The following MED13L variants were observed in gnomAD, a reference collection of about 807,000 sequenced individuals.
MED13L encodes mediator complex subunit 13L, also known as mediator of RNA polymerase II transcription subunit 13-like.
In MED13L, 7 loss-of-function variants were observed where a neutral mutation model predicts 220.9. The ratio of observed to expected loss-of-function variants is 0.03; its 90% CI spans 0.02 to 0.06. MED13L has a LOEUF of 0.06. Among genes scored for constraint, MED13L ranks in the 10% least tolerant of loss-of-function variants. MED13L has a pLI of 1.00. For missense variants in MED13L, 1,965 were observed against 2,760.5 expected, an observed-to-expected ratio of 0.71 and a Z score of 6.46; for synonymous variants, 1,011 against 1,015.2, an observed-to-expected ratio of 1.00 and a Z score of 0.08.
At chr12:116,234,448 TC>T (rs1262250051) in intron 2 of MED13L, among the ~76,000 whole-genome samples, 1 of 152,070 alleles carries the variant, frequency 6.6e-6, no homozygotes, top group Non-Finnish European at 1.5e-5. Flanking sequence ...CAGGCTGGTC[TC>T]CAACTCCTGA....
chr12:116,104,722 G>A (rs1206708639), intron 3 of MED13L, among the ~76,000 whole-genome samples: 1 of 152,098 alleles, frequency 6.6e-6, no homozygotes, highest in Non-Finnish European at 1.5e-5. Flanking sequence ...TGTATGCAAA[G>A]CAATCATCTG....
rs142230139 is a variant in MED13L at position 115,986,460 on chromosome 12, T to C, written c.4144A>G (p.Ile1382Val). 7 of 1,614,052 alleles carry C rather than the reference T, an allele frequency of 4.3e-6. No individual in the cohort carries two copies. In the Admixed American group the frequency reaches 1.0e-4, roughly 23 times the overall value. Residue 1382 changes from isoleucine to valine, a missense_variant, in exon 19 of 31, where the codon ATC becomes GTC. By Grantham distance (29) the Ile-to-Val change is conservative (BLOSUM62 3). This residue lies in a region of MED13L where 21 missense variants were observed against 73.9 expected (regional missense o/e 0.28). Transcript: ENST00000281928. Reference protein sequence around the residue: ...GSEESPEPLPIPTLLVGYDKD... With the variant: ...GSEESPEPLPVPTLLVGYDKD... ...TCATAGCCTACCAGCAGAGTGGGGA[T>C]GGGCAACGGCTCAGGAGATTCTTCC...
At chr12:115,984,515 A>T in intron 19 of MED13L, 143 bp from the exon 20 acceptor site, 3 of 878,546 alleles carry the variant, frequency 3.4e-6, no homozygotes, top group Non-Finnish European at 5.3e-6. Context: ...TCAAACCAAC[A>T]TTACAAGTTG....
chr12:116,234,713 A>G (rs1273540862), intron 2 of MED13L, among the ~76,000 whole-genome samples: 2 of 152,140 alleles, frequency 1.3e-5, no homozygotes, highest in Non-Finnish European at 2.9e-5. Context: ...GATGGAGTGC[A>G]GTGGCATTAT....
At position 115,986,278 on chromosome 12, in the gene MED13L, A is replaced by G. The variant is rs1036890852; in HGVS notation, c.4326T>C (p.Ser1442=). 4 of 1,614,046 alleles carry G rather than the reference A, an allele frequency of 2.5e-6. No homozygotes were observed. Among genetic ancestry groups the G allele is most frequent in the Non-Finnish European group, 3.4e-6 (4 of 1,179,920 alleles). Residue 1442 remains serine, a synonymous_variant, in exon 19 of 31, where the codon AGT becomes AGC. Coordinates refer to ENST00000281928, the MANE Select transcript of MED13L (RefSeq NM_015335.5). ...GTAACTTCCTCACCTCGTATACAGCACTCAAGTCCCTGAAGAAAGTTTTGG... is the reference window on the plus strand; with the variant it reads ...GTAACTTCCTCACCTCGTATACAGCGCTCAAGTCCCTGAAGAAAGTTTTGG... ...EGAKTFFRDL[S]AVYEMCRLGQ...
chr12:116,092,340 A>G (rs1390640874), intron 4 of MED13L, among the ~76,000 whole-genome samples: 1 of 152,210 alleles, frequency 6.6e-6, no homozygotes. Context: ...GCTAAATAAC[A>G]CAGATGACTG....
At chr12:116,261,271 G>A (rs1399279428) in intron 1 of MED13L, among the ~76,000 whole-genome samples, 7 of 152,198 alleles carry the variant, frequency 4.6e-5, no homozygotes, top group South Asian at 4.2e-4. Context: ...CAAGGCAAGC[G>A]GATCACTTCA....
At chr12:116,173,409 C>G (rs757261536) in intron 2 of MED13L, among the ~76,000 whole-genome samples, 25 of 152,024 alleles carry the variant, frequency 1.6e-4, no homozygotes, top group Non-Finnish European at 2.1e-4. Flanking sequence ...GATCCAGAGA[C>G]AAAGGTAAGG....
chr12:116,157,451 T>C (rs1343951669), intron 2 of MED13L, among the ~76,000 whole-genome samples: 2 of 152,130 alleles, frequency 1.3e-5, no homozygotes, highest in African/African-American at 4.8e-5. Context: ...CTCCAGCCTT[T>C]GTTAATCTCC....
chr12:115,964,373 A>AAT (rs1875993154), intron 29 of MED13L, among the ~76,000 whole-genome samples: 1 of 152,198 alleles, frequency 6.6e-6, no homozygotes, highest in Non-Finnish European at 1.5e-5. Flanking sequence ...AAAGGCATGA[A>AAT]ATGTCTACTG....
intron 14 of MED13L, among the ~76,000 whole-genome samples, chr12:116,001,192 A>G (rs1469050740): frequency 1.3e-5 from 2 of 151,896 alleles, no homozygotes; most frequent in African/African-American, 2.4e-5. Context: ...TTAGACATTA[A>G]TTTTGTTTTG....
At chr12:116,035,218 C>A (rs1271233012) in intron 4 of MED13L, among the ~76,000 whole-genome samples, 1 of 152,130 alleles carries the variant, frequency 6.6e-6, no homozygotes, top group Non-Finnish European at 1.5e-5. Context: ...AACTATGGTA[C>A]TCACTGGCAT....
At position 115,970,265 on chromosome 12, in the gene MED13L, T is replaced by C. The variant is rs542116091; in HGVS notation, c.6067+329A>G. Among the ~76,000 whole-genome samples, 9 of 152,344 alleles carry C rather than the reference T, an allele frequency of 5.9e-5. No homozygotes were observed. The South Asian group carries it at 1.4e-3, about 25-fold the overall frequency. On this transcript the variant is annotated intron_variant, in intron 27 of 30. Transcript: ENST00000281928. ...TGCTCTCTTCATATTGCTTAGTACT[T>C]CACACATTTCAAATCACATCAGCAA...
chr12:116,274,232 A>T (rs1330943218), intron 1 of MED13L, among the ~76,000 whole-genome samples: 6 of 152,132 alleles, frequency 3.9e-5, no homozygotes, highest in African/African-American at 1.4e-4. Context: ...TAAGTAAAAG[A>T]CTAGCAGAAA....
intron 2 of MED13L, among the ~76,000 whole-genome samples, chr12:116,142,989 A>AGTTTCGTGGGCTCAGG (rs1188578186): frequency 6.6e-6 from 1 of 152,194 alleles, no homozygotes; most frequent in South Asian, 2.1e-4. Flanking sequence ...TCTACTGACA[A>AGTTTCGTGGGCTCAGG]GTTTCGTGGG....
At chr12:116,060,420 T>C (rs1869352914) in intron 4 of MED13L, among the ~76,000 whole-genome samples, 1 of 151,378 alleles carries the variant, frequency 6.6e-6, no homozygotes, top group African/African-American at 2.4e-5. Flanking sequence ...TCTATTAACA[T>C]ACAAAAAATT....
intron 1 of MED13L, 22 bp from the exon 2 acceptor site, chr12:116,237,727 T>A: frequency 6.2e-7 from 1 of 1,602,144 alleles, no homozygotes; most frequent in Non-Finnish European, 8.6e-7. Flanking sequence ...CAAAAAATTG[T>A]AATCGTTTTC....
chr12:116,103,896 A>T (rs982842348), intron 3 of MED13L, among the ~76,000 whole-genome samples: 3 of 151,736 alleles, frequency 2.0e-5, no homozygotes, highest in Non-Finnish European at 4.4e-5. Context: ...AACGACTGTC[A>T]ATGTTACATC....
intron 3 of MED13L, among the ~76,000 whole-genome samples, chr12:116,098,792 G>C (rs1872825431): frequency 6.6e-6 from 1 of 152,086 alleles, no homozygotes; most frequent in Non-Finnish European, 1.5e-5. Flanking sequence ...ATGCTTTTTA[G>C]GGGTAAGGAC....
Sources: gnomAD v4.1 joint callset for allele counts (sites outside exome capture counted in the v4.1 genomes callset) on GRCh38, gnomAD v4.1.1 for gene constraint, gnomAD v4.1.1 regional missense constraint, MANE v1.5 for transcripts, NCBI Gene and HGNC (gene_info 2026-07-23, HGNC 2026-07-21) for gene names.